Variants in ZNF804B observed in about 807,000 individuals in gnomAD.
The protein encoded by ZNF804B is zinc finger protein 804B.
Under a neutral mutation model 101.4 loss-of-function variants are expected in ZNF804B, and 80 were observed. That is an observed-to-expected ratio of 0.79 (90% CI 0.66 to 0.95). The LOEUF is 0.95. Ranked by LOEUF, ZNF804B falls within the 40% of genes least tolerant of loss-of-function variation. The pLI, the probability that ZNF804B is intolerant of heterozygous loss-of-function variation, is 0.00. For missense variants in ZNF804B, 1,673 were observed against 1,561.9 expected (o/e 1.07, Z -1.20); for synonymous variants, 622 against 558.8 (o/e 1.11, Z -1.59).
chr7:89,264,657 C>T (rs547315701), intron 2 of ZNF804B, among the ~76,000 whole-genome samples: 1 of 152,206 alleles, frequency 6.6e-6, no homozygotes, highest in African/African-American at 2.4e-5. Flanking sequence ...CTGCCTTTGT[C>T]CCTCACTTCT....
chr7:89,070,898 T>C (rs1789526961), intron 1 of ZNF804B, among the ~76,000 whole-genome samples: 1 of 152,050 alleles, frequency 6.6e-6, no homozygotes, highest in Admixed American at 6.6e-5. Context: ...TTCCTAGTTA[T>C]CAAGATTTCA....
intron 1 of ZNF804B, among the ~76,000 whole-genome samples, chr7:89,217,849 G>A (rs113975607): frequency 1.9e-4 from 29 of 152,238 alleles, no homozygotes; most frequent in African/African-American, 7.0e-4. Context: ...GGCTATGGAG[G>A]ATATAAAGAA....
chr7:88,892,020 A>T (rs1792221681), intron 1 of ZNF804B, among the ~76,000 whole-genome samples: 1 of 152,112 alleles, frequency 6.6e-6, no homozygotes, highest in African/African-American at 2.4e-5. Context: ...TAAAAGCCTA[A>T]AGTTATACAA....
chr7:89,034,368 C>T (rs1788888227), intron 1 of ZNF804B, among the ~76,000 whole-genome samples: 1 of 151,928 alleles, frequency 6.6e-6, no homozygotes, highest in South Asian at 2.1e-4. Flanking sequence ...CAACCATCAA[C>T]CCACAATTTC....
intron 1 of ZNF804B, among the ~76,000 whole-genome samples, chr7:88,795,238 T>C (rs1016495741): frequency 6.6e-6 from 1 of 152,190 alleles, no homozygotes; most frequent in Non-Finnish European, 1.5e-5. Context: ...AAAAACTTTG[T>C]AAATGTCATG....
intron 1 of ZNF804B, among the ~76,000 whole-genome samples, chr7:88,890,972 G>A (rs533212519): frequency 2.6e-5 from 4 of 151,974 alleles, no homozygotes; most frequent in East Asian, 3.9e-4. Flanking sequence ...ACTGACATAC[G>A]TATTTATCTG....
intron 1 of ZNF804B, among the ~76,000 whole-genome samples, chr7:89,148,072 C>A (rs968200803): frequency 6.6e-6 from 1 of 151,890 alleles, no homozygotes; most frequent in Non-Finnish European, 1.5e-5. Flanking sequence ...TAGGGACCAC[C>A]TACATAGGCT....
intron 1 of ZNF804B, among the ~76,000 whole-genome samples, chr7:88,955,556 T>C (rs1003722072): frequency 6.6e-6 from 1 of 151,656 alleles, no homozygotes; most frequent in African/African-American, 2.4e-5. Flanking sequence ...ATTTTTTCCT[T>C]TTCATCATTT....
At chr7:89,143,747 T>C (rs1790749412) in intron 1 of ZNF804B, among the ~76,000 whole-genome samples, 1 of 152,050 alleles carries the variant, frequency 6.6e-6, no homozygotes, top group African/African-American at 2.4e-5. Flanking sequence ...TTTTAGTGTC[T>C]CAAACTAGAT....
At chr7:88,938,659 T>TA (rs770986839) in intron 1 of ZNF804B, among the ~76,000 whole-genome samples, 10 of 151,920 alleles carry the variant, frequency 6.6e-5, no homozygotes, top group Non-Finnish European at 8.8e-5. Context: ...ACTGGCTTTC[T>TA]AAAAAATGAA....
chr7:88,824,850 C>A (rs535491118), intron 1 of ZNF804B, among the ~76,000 whole-genome samples: 30 of 152,124 alleles, frequency 2.0e-4, no homozygotes, highest in Non-Finnish European at 3.4e-4. Context: ...CAAAGACTTA[C>A]AATCAGTAGT....
At chr7:89,229,079 G>A (rs34723959) in intron 2 of ZNF804B, among the ~76,000 whole-genome samples, 2,790 of 152,310 alleles carry the variant, frequency 0.018, 35 homozygotes, top group Non-Finnish European at 0.023. Flanking sequence ...CAAGCACCAC[G>A]CACAGACCCG....
chr7:88,964,126 T>C (rs1584042359), intron 1 of ZNF804B, among the ~76,000 whole-genome samples: 1 of 151,366 alleles, frequency 6.6e-6, no homozygotes, highest in East Asian at 2.0e-4. Flanking sequence ...AGTGTGGCAG[T>C]TCCTCAGAAA....
intron 1 of ZNF804B, among the ~76,000 whole-genome samples, chr7:89,016,188 GT>G (rs1263736591): frequency 1.3e-5 from 2 of 152,076 alleles, no homozygotes; most frequent in South Asian, 4.1e-4. Flanking sequence ...GGGGTTGTTT[GT>G]TTTTTTCTTG....
chr7:88,889,214 C>T (rs997305635), intron 1 of ZNF804B, among the ~76,000 whole-genome samples: 4 of 152,022 alleles, frequency 2.6e-5, no homozygotes, highest in East Asian at 1.9e-4. Context: ...GAGGTTGATT[C>T]CATGTTTTTG....
intron 2 of ZNF804B, among the ~76,000 whole-genome samples, chr7:89,236,286 ACT>A (rs1789277851): frequency 6.6e-6 from 1 of 152,050 alleles, no homozygotes; most frequent in Admixed American, 6.6e-5. Context: ...AAACCAGTAG[ACT>A]CTTGAGCATA....
chr7:89,285,141 T>C (rs1210367938), intron 2 of ZNF804B, among the ~76,000 whole-genome samples: 2 of 151,234 alleles, frequency 1.3e-5, no homozygotes, highest in Non-Finnish European at 3.0e-5. Context: ...ATAGCTTGAG[T>C]CCTGGAGGTT....
intron 1 of ZNF804B, among the ~76,000 whole-genome samples, chr7:89,016,764 G>A (rs1221074010): frequency 6.6e-6 from 1 of 152,166 alleles, no homozygotes; most frequent in African/African-American, 2.4e-5. Context: ...TTTGAAGTCA[G>A]GTAGTGTGAT....
intron 1 of ZNF804B, among the ~76,000 whole-genome samples, chr7:89,148,062 T>A (rs955636823): frequency 1.3e-4 from 19 of 151,990 alleles, no homozygotes; most frequent in African/African-American, 3.6e-4. Flanking sequence ...CCAAAAAGGT[T>A]AGGGACCACC....
Sources: gnomAD v4.1 joint callset for allele counts (sites outside exome capture counted in the v4.1 genomes callset) on GRCh38, gnomAD v4.1.1 for gene constraint, MANE v1.5 for transcripts, NCBI Gene and HGNC (gene_info 2026-07-23, HGNC 2026-07-21) for gene names.